Variants in RPH3A observed in about 807,000 individuals in gnomAD.
RPH3A encodes the protein rabphilin-3A.
Under a neutral mutation model 102.2 loss-of-function variants are expected in RPH3A, and 48 were observed. That is an observed-to-expected ratio of 0.47 (90% CI 0.37 to 0.60). The LOEUF (loss-of-function observed/expected upper bound fraction) is 0.60, where lower values mean the gene tolerates loss of function less well. Ranked by LOEUF, RPH3A falls within the 20% of genes least tolerant of loss-of-function variation. RPH3A has a pLI of 0.00. For missense variants in RPH3A, 781 were observed against 910.1 expected, an observed-to-expected ratio of 0.86 and a Z score of 1.83; for synonymous variants, 310 against 324.3, an observed-to-expected ratio of 0.96 and a Z score of 0.47.
chr12:112,722,204 T>A (rs1348625755), intron 1 of RPH3A, among the ~76,000 whole-genome samples: 2 of 152,228 alleles, frequency 1.3e-5, no homozygotes, highest in African/African-American at 4.8e-5. Context: ...CTACCTCCCA[T>A]CATGCCTCAG....
At chr12:112,645,707 A>T (rs914385482) in intron 1 of RPH3A, among the ~76,000 whole-genome samples, 1 of 152,134 alleles carries the variant, frequency 6.6e-6, no homozygotes, top group Admixed American at 6.6e-5. Flanking sequence ...GATGTCTCTT[A>T]AGTATCTTCA....
intron 10 of RPH3A, 45 bp from the exon 11 acceptor site, chr12:112,875,038 TG>T: frequency 6.7e-7 from 1 of 1,499,900 alleles, no homozygotes; most frequent in Non-Finnish European, 9.1e-7. Flanking sequence ...CTGCTGTGTG[TG>T]TGTGTGTGAC....
intron 1 of RPH3A, among the ~76,000 whole-genome samples, chr12:112,773,431 A>T (rs1259043407): frequency 2.0e-5 from 3 of 152,094 alleles, no homozygotes; most frequent in Admixed American, 6.5e-5. Context: ...GCTAATACAA[A>T]TTGAATTTAT....
intron 1 of RPH3A, among the ~76,000 whole-genome samples, chr12:112,634,218 G>T (rs2039829419): frequency 1.1e-5 from 1 of 94,382 alleles, no homozygotes; most frequent in African/African-American, 4.9e-5. Context: ...CGTAGTGGCG[G>T]GCGCCTGTAG....
chr12:112,843,289 T>G (rs2042176444), intron 4 of RPH3A, among the ~76,000 whole-genome samples: 1 of 152,194 alleles, frequency 6.6e-6, no homozygotes, highest in South Asian at 2.1e-4. Context: ...TCTGTTTGCT[T>G]CTGGAATTAA....
At chr12:112,613,412 T>C (rs138473379) in intron 1 of RPH3A, among the ~76,000 whole-genome samples, 1 of 152,240 alleles carries the variant, frequency 6.6e-6, no homozygotes, top group East Asian at 1.9e-4. Context: ...TGGCTCTGCC[T>C]CTGACCAGCT....
intron 1 of RPH3A, among the ~76,000 whole-genome samples, chr12:112,750,693 G>C (rs561619759): frequency 1.3e-5 from 2 of 152,100 alleles, no homozygotes; most frequent in African/African-American, 4.8e-5. Context: ...CTTAACTTTC[G>C]TTCCATGTCT....
chr12:112,651,971 C>T (rs377333757), intron 1 of RPH3A: 25 of 152,276 alleles, frequency 1.6e-4, no homozygotes, highest in African/African-American at 5.8e-4. Flanking sequence ...TATGGCTAGG[C>T]CACATTTTGT....
At chr12:112,645,904 A>G (rs1391783760) in intron 1 of RPH3A, among the ~76,000 whole-genome samples, 2 of 152,132 alleles carry the variant, frequency 1.3e-5, no homozygotes, top group Non-Finnish European at 1.5e-5. Context: ...CCATAAGGAT[A>G]CCATCCCACG....
chr12:112,743,961 C>T (rs1251370616), intron 1 of RPH3A, among the ~76,000 whole-genome samples: 1 of 152,206 alleles, frequency 6.6e-6, no homozygotes, highest in Non-Finnish European at 1.5e-5. Flanking sequence ...ATCTTTGTAA[C>T]CCCCACAGTG....
chr12:112,724,280 CT>C (rs2040572041), intron 1 of RPH3A, among the ~76,000 whole-genome samples: 1 of 152,024 alleles, frequency 6.6e-6, no homozygotes, highest in African/African-American at 2.4e-5. Context: ...GCCCAGGCTG[CT>C]TTTGAACTTC....
intron 2 of RPH3A, among the ~76,000 whole-genome samples, chr12:112,821,309 G>A (rs2041774392): frequency 6.6e-6 from 1 of 152,156 alleles, no homozygotes; most frequent in Admixed American, 6.5e-5. Context: ...TATTTGAGAT[G>A]GAATAGAATA....
chr12:112,601,912 G>T (rs1325704630), intron 1 of RPH3A, among the ~76,000 whole-genome samples: 3 of 152,170 alleles, frequency 2.0e-5, no homozygotes, highest in Non-Finnish European at 2.9e-5. Context: ...CTGCACTTCA[G>T]CCTGGGTGAC....
chr12:112,787,203 A>G (rs2041057214), upstream of RPH3A, among the ~76,000 whole-genome samples: 1 of 152,116 alleles, frequency 6.6e-6, no homozygotes, highest in Admixed American at 6.5e-5. Context: ...CAACTTCATC[A>G]CACTTGCAAA....
intron 1 of RPH3A, among the ~76,000 whole-genome samples, chr12:112,644,985 G>A (rs75353372): frequency 0.039 from 5,979 of 152,268 alleles, 227 homozygotes; most frequent in African/African-American, 0.093. Flanking sequence ...TGTACCTGAA[G>A]CAAAAGACTC....
intron 1 of RPH3A, among the ~76,000 whole-genome samples, chr12:112,673,767 G>A (rs562923680): frequency 6.6e-6 from 1 of 152,122 alleles, no homozygotes; most frequent in East Asian, 1.9e-4. Context: ...TCAAATCGTA[G>A]GTCTTACTCA....
At chr12:112,880,730 C>G (rs2042894643) in intron 14 of RPH3A, among the ~76,000 whole-genome samples, 1 of 152,152 alleles carries the variant, frequency 6.6e-6, no homozygotes, top group Non-Finnish European at 1.5e-5. Flanking sequence ...CTACTATTAG[C>G]CTACTGTTGC....
At chr12:112,767,290 G>A (rs1015066347) in intron 1 of RPH3A, among the ~76,000 whole-genome samples, 1 of 152,126 alleles carries the variant, frequency 6.6e-6, no homozygotes, top group Non-Finnish European at 1.5e-5. Flanking sequence ...CTGTGGGGAG[G>A]GCAATGCTAT....
chr12:112,610,528 C>T (rs1713762040), intron 1 of RPH3A, among the ~76,000 whole-genome samples: 2 of 150,296 alleles, frequency 1.3e-5, no homozygotes. Flanking sequence ...AAAAAAAAGC[C>T]TTCCTTGATC....
Sources: gnomAD v4.1 joint callset for allele counts (sites outside exome capture counted in the v4.1 genomes callset) on GRCh38, gnomAD v4.1.1 for gene constraint, MANE v1.5 for transcripts, NCBI Gene and HGNC (gene_info 2026-07-23, HGNC 2026-07-21) for gene names.